The following RCOR3 variants were observed in gnomAD, a reference collection of about 807,000 sequenced individuals.
The protein encoded by RCOR3 is REST corepressor 3.
RCOR3 carries 13 observed loss-of-function variants against 64.1 expected under a neutral mutation model. That is an observed-to-expected ratio of 0.20 (90% confidence interval 0.13 to 0.32). The LOEUF is 0.32. Among genes scored for constraint, RCOR3 ranks in the 10% least tolerant of loss-of-function variants. The pLI, the probability that RCOR3 is intolerant of heterozygous loss-of-function variation, is 1.00. For synonymous variants in RCOR3, 215 were observed against 239.0 expected (o/e 0.90, Z 0.93); for missense variants, 489 against 701.2 (o/e 0.70, Z 3.42).
chr1:211,304,083 T>G lies in RCOR3; in HGVS notation c.1018T>G (p.Ser340Ala). The change falls in exon 10 of 12, where the codon TCA (serine) becomes GCA (alanine). Residue 340 changes from serine (S) to alanine (A), a missense_variant and splice_region_variant. By Grantham distance (99) the Ser-to-Ala change is moderately conservative (BLOSUM62 1). Transcript: ENST00000419091. ...GGIEEFKPPE[S>A]NQKINARWTT... ...AGGAAACTTCTCTTTAATTTTGTAG[T>G]CAAATCAGAAAATTAATGCCCGTTG... 6.2e-7 allele frequency: 1 copy of G among 1,600,742 alleles called. No homozygotes were observed. Among genetic ancestry groups the G allele is most frequent in the Non-Finnish European group, 8.5e-7 (1 of 1,174,716 alleles).
intron 9 of RCOR3, among the ~76,000 whole-genome samples, chr1:211,300,325 C>T (rs1201553878): frequency 6.6e-6 from 1 of 152,098 alleles, no homozygotes; most frequent in Non-Finnish European, 1.5e-5. Flanking sequence ...CTGCCTCGGC[C>T]TCCCAAAGTG....
chr1:211,279,215 T>C lies in RCOR3; in HGVS notation c.642-23T>C, dbSNP rs747991786. The C allele has an allele frequency of 8.9e-6, 13 of 1,460,844 alleles. No individual in the cohort carries two copies. The East Asian group carries it at 1.8e-4, about 21-fold the overall frequency. 90.5% of individuals were successfully genotyped at this position (1,460,844 alleles called of 1,614,324 possible). ...AAAAAAAAAAAAAGGGAATTAAGTG[T>C]ACTAATTTTTGTTTCTTCTCAGTGA... On this transcript the variant is annotated intron_variant, in intron 6 of 11. Transcript: ENST00000419091.
rs923456882 is a variant in RCOR3 at position 211,274,321 on chromosome 1, A to G, written c.354+59A>G. ...TCCCAATATTTACCAAATCTAGATT[A>G]TCTCATGATAGTTTCTGTCCTAACA... On this transcript the variant is annotated intron_variant, in intron 4 of 11. Coordinates refer to ENST00000419091, the MANE Select transcript of RCOR3 (RefSeq NM_001136223.3). 4 of 1,194,422 alleles carry G rather than the reference A, an allele frequency of 3.3e-6. No individual in the cohort carries two copies. In the African/African-American group the frequency reaches 6.0e-5, roughly 18 times the overall value. The allele number at this position is 1,194,422 out of a possible 1,614,324, so 74.0% of individuals were successfully genotyped here. A position where few individuals can be genotyped will look rare whatever the true frequency, so the allele number is the denominator to read the frequency against.
chr1:211,307,372 C>G (rs1374281172), intron 10 of RCOR3, among the ~76,000 whole-genome samples: 1 of 151,778 alleles, frequency 6.6e-6, no homozygotes, highest in Admixed American at 6.6e-5. Flanking sequence ...ACGTGTAGTC[C>G]CAGCTGCTTG....
At chr1:211,270,187 C>T (rs1415958714) in intron 2 of RCOR3, among the ~76,000 whole-genome samples, 1 of 151,772 alleles carries the variant, frequency 6.6e-6, no homozygotes, top group African/African-American at 2.4e-5. Flanking sequence ...CGTCAGCCTC[C>T]CAAGTAGCTG....
rs1014426436 is a variant in RCOR3 at position 211,266,566 on chromosome 1, C to G, written c.224-4666C>G. 2.0e-4 allele frequency among the ~76,000 whole-genome samples: 30 copies of G among 152,220 alleles called. 1 individual carries two copies. Among genetic ancestry groups the G allele is most frequent in the African/African-American group, 6.5e-4 (27 of 41,546 alleles). Reference sequence around the variant, plus strand: ...TTTTAAAATTATGGTAGCTTGCTATCTAGGTTTTGGTTTGTTTTTTAATCT... The same window carrying G: ...TTTTAAAATTATGGTAGCTTGCTATGTAGGTTTTGGTTTGTTTTTTAATCT... On this transcript the variant is annotated intron_variant, in intron 2 of 11. Coordinates refer to ENST00000419091, the MANE Select transcript of RCOR3 (RefSeq NM_001136223.3).
In RCOR3 at chr1:211,312,140, C is replaced by G. The variant is rs1023154404; in HGVS notation, c.1076-580C>G. ...AAATCCACCAACTTGTGATGATTCTCCTGCTTTTCATGTTTAAGTTCTTAT... is the reference window on the plus strand; with the variant it reads ...AAATCCACCAACTTGTGATGATTCTGCTGCTTTTCATGTTTAAGTTCTTAT... On this transcript the variant is annotated intron_variant, in intron 10 of 11. Coordinates refer to ENST00000419091, the MANE Select transcript of RCOR3 (RefSeq NM_001136223.3). The surrounding 1 kb of genome is among the most constrained non-coding windows in gnomAD (Gnocchi z 5.0). The G allele has an allele frequency of 1.5e-5, 3 of 205,078 alleles. No individual in the cohort carries two copies. The highest frequency in any genetic ancestry group is 6.9e-5 in the African/African-American group (3 of 43,430). The allele number at this position is 205,078 out of a possible 1,614,324, so 12.7% of individuals were successfully genotyped here.
At chr1:211,268,381 T>C (rs922308250) in intron 2 of RCOR3, among the ~76,000 whole-genome samples, 6 of 138,872 alleles carry the variant, frequency 4.3e-5, no homozygotes, top group Non-Finnish European at 6.2e-5. Context: ...TTTTTTTTTT[T>C]TTTTTTTTTT....
At chr1:211,289,605 T>C (rs1199674354) in intron 8 of RCOR3, among the ~76,000 whole-genome samples, 1 of 152,206 alleles carries the variant, frequency 6.6e-6, no homozygotes, top group Non-Finnish European at 1.5e-5. Flanking sequence ...CTGTTAGCTC[T>C]GTGGTCTTGG....
chr1:211,308,910 C>T (rs1360518133), intron 10 of RCOR3, among the ~76,000 whole-genome samples: 2 of 151,520 alleles, frequency 1.3e-5, no homozygotes, highest in Admixed American at 6.6e-5. Flanking sequence ...CTGGGTTTTA[C>T]CATTTTGGCC....
chr1:211,267,005 A>G (rs746324112), intron 2 of RCOR3, among the ~76,000 whole-genome samples: 24 of 152,308 alleles, frequency 1.6e-4, no homozygotes, highest in Admixed American at 3.9e-4. Flanking sequence ...TTTATTTTGT[A>G]GTTGATAAGG....
chr1:211,275,354 G>A (rs1696820403), intron 4 of RCOR3, among the ~76,000 whole-genome samples: 1 of 151,920 alleles, frequency 6.6e-6, no homozygotes, highest in South Asian at 2.1e-4. Flanking sequence ...GGATTTTGAA[G>A]CCTTTGATTG....
intron 2 of RCOR3, among the ~76,000 whole-genome samples, chr1:211,269,360 G>A (rs756139361): frequency 2.6e-5 from 4 of 152,176 alleles, no homozygotes; most frequent in Non-Finnish European, 4.4e-5. Context: ...CACTTTGGGA[G>A]GCTGAGGCAG....
At chr1:211,286,312 CTTTT>C (rs11306768) in intron 7 of RCOR3, among the ~76,000 whole-genome samples, 1 of 122,966 alleles carries the variant, frequency 8.1e-6, no homozygotes. Context: ...TATTTCTTTT[CTTTT>C]TTTTTTTTTT....
At chr1:211,295,040 G>A (rs1053160181) in intron 8 of RCOR3, among the ~76,000 whole-genome samples, 24 of 119,822 alleles carry the variant, frequency 2.0e-4, no homozygotes, top group African/African-American at 7.3e-4. Context: ...ACCATGACCA[G>A]CTAATTTTTT....
At chr1:211,301,455 T>C (rs963034557) in intron 9 of RCOR3, 2 of 152,202 alleles carry the variant, frequency 1.3e-5, no homozygotes, top group African/African-American at 4.8e-5. Flanking sequence ...CTATTGCTTA[T>C]TAAATTTTGT....
chr1:211,313,074 G>T lies in RCOR3; in HGVS notation c.1317+113G>T. On this transcript the variant is annotated intron_variant, in intron 11 of 11. Transcript: ENST00000419091. This position sits in a 1 kb window ranked among gnomAD's most constrained non-coding sequence, Gnocchi z 4.7. ...CTAGCTAAATTGAGCATGAAAGGTT[G>T]ACAATACACTTCTTCAGTGGTGCAT... 6.4e-7 allele frequency: 1 copy of T among 1,566,762 alleles called. No individual in the cohort carries two copies. Among genetic ancestry groups the T allele is most frequent in the South Asian group, 1.2e-5 (1 of 82,658 alleles).
chr1:211,312,993 G>T lies in RCOR3; in HGVS notation c.1317+32G>T, dbSNP rs1164509420. On this transcript the variant is annotated intron_variant, in intron 11 of 11. Transcript: ENST00000419091. This position sits in a 1 kb window ranked among gnomAD's most constrained non-coding sequence, Gnocchi z 5.0. ...TTGTGTATGGAATTTGAGCTAATAT[G>T]AGTTGAGGAATCACCATTTTGTGTG... is the stretch of plus-strand genomic sequence containing the variant. 6.2e-7 allele frequency: 1 copy of T among 1,613,676 alleles called. No homozygotes were observed. Among genetic ancestry groups the T allele is most frequent in the Non-Finnish European group, 8.5e-7 (1 of 1,179,734 alleles).
intron 9 of RCOR3, among the ~76,000 whole-genome samples, chr1:211,301,094 A>G (rs905078704): frequency 2.0e-5 from 3 of 151,602 alleles, no homozygotes; most frequent in Admixed American, 6.6e-5. Context: ...AGTAATCTTG[A>G]AAAAAAAATT....
Sources: gnomAD v4.1 joint callset for allele counts (sites outside exome capture counted in the v4.1 genomes callset) on GRCh38, gnomAD v4.1.1 for gene constraint, Gnocchi (gnomAD v3.1) non-coding constraint, MANE v1.5 for transcripts, NCBI Gene and HGNC (gene_info 2026-07-23, HGNC 2026-07-21) for gene names.